The following QSER1 variants were observed in gnomAD, a reference collection of about 807,000 sequenced individuals.
QSER1 encodes glutamine and serine-rich protein 1.
Under a neutral mutation model 158.5 loss-of-function variants are expected in QSER1, and 49 were observed. That is an observed-to-expected ratio of 0.31 (90% CI 0.25 to 0.39). The LOEUF (loss-of-function observed/expected upper bound fraction) is 0.39, where lower values mean the gene tolerates loss of function less well. Among genes scored for constraint, QSER1 ranks in the 10% least tolerant of loss-of-function variants. The pLI, the probability that QSER1 is intolerant of heterozygous loss-of-function variation, is 1.00. For missense variants in QSER1, 1,754 were observed against 2,010.3 expected (o/e 0.87, Z 2.44); for synonymous variants, 650 against 715.5 (o/e 0.91, Z 1.46).
At chr11:32,968,617 T>C (rs1376651805) in intron 9 of QSER1, among the ~76,000 whole-genome samples, 1 of 152,228 alleles carries the variant, frequency 6.6e-6, no homozygotes, top group African/African-American at 2.4e-5. Flanking sequence ...TTGGTCATAC[T>C]CAGTGTTTTG....
intron 4 of QSER1, among the ~76,000 whole-genome samples, chr11:32,950,159 A>G (rs1372007891): frequency 6.6e-6 from 1 of 151,784 alleles, no homozygotes; most frequent in African/African-American, 2.4e-5. Context: ...CAGTGTTGCA[A>G]TCTAGGCTCA....
chr11:32,939,040 T>C (rs1021255791), intron 4 of QSER1, among the ~76,000 whole-genome samples: 11 of 152,200 alleles, frequency 7.2e-5, no homozygotes, highest in Non-Finnish European at 1.5e-4. Flanking sequence ...TCAGATTGAA[T>C]TAAAATGTAG....
chr11:32,905,222 G>T (rs938457138), intron 1 of QSER1, among the ~76,000 whole-genome samples: 12 of 152,166 alleles, frequency 7.9e-5, no homozygotes, highest in Non-Finnish European at 1.6e-4. Context: ...TGTGATCACT[G>T]ATCCTGTTTA....
At chr11:32,904,957 C>T (rs1200926446) in intron 1 of QSER1, among the ~76,000 whole-genome samples, 2 of 152,114 alleles carry the variant, frequency 1.3e-5, no homozygotes, top group African/African-American at 4.8e-5. Context: ...GCTGTGTTTT[C>T]CCCCACTTGC....
At chr11:32,905,713 A>G (rs1162893413) in intron 1 of QSER1, among the ~76,000 whole-genome samples, 1 of 152,190 alleles carries the variant, frequency 6.6e-6, no homozygotes, top group Non-Finnish European at 1.5e-5. Flanking sequence ...GTGTTTTAAT[A>G]AGGCATAGGA....
At chr11:32,961,272 T>G (rs1043853079) in intron 8 of QSER1, among the ~76,000 whole-genome samples, 1 of 152,190 alleles carries the variant, frequency 6.6e-6, no homozygotes, top group Admixed American at 6.5e-5. Context: ...CAGATACTCA[T>G]AGATACTCCT....
chr11:32,935,043 A>G lies in QSER1; in HGVS notation c.3785A>G (p.Gln1262Arg). The G allele has an allele frequency of 6.2e-7, 1 of 1,614,144 alleles. No individual in the cohort carries two copies. The highest frequency in any genetic ancestry group is 8.5e-7 in the Non-Finnish European group (1 of 1,180,012). Residue 1262 changes from glutamine to arginine, a missense_variant, in exon 4 of 13, where the codon CAG (glutamine) becomes CGG (arginine). By Grantham distance (43) the Gln-to-Arg change is conservative (BLOSUM62 1). Coordinates refer to ENST00000650167, the MANE Select transcript of QSER1 (RefSeq NM_001076786.3). ...TATCAGCATCAAGAAAAAATGAGAC[A>G]GAAGATCAAAGAGGTGGAGGAAAAA... ...DGYQHQEKMRQKIKEVEEKQP... is the reference protein window; with the variant it reads ...DGYQHQEKMRRKIKEVEEKQP...
At chr11:32,938,197 A>G (rs1852180030) in intron 4 of QSER1, among the ~76,000 whole-genome samples, 1 of 152,204 alleles carries the variant, frequency 6.6e-6, no homozygotes, top group Non-Finnish European at 1.5e-5. Flanking sequence ...ACATGGTGAT[A>G]CAGTCAGTAT....
chr11:32,950,599 T>C (rs1852405945), intron 4 of QSER1, among the ~76,000 whole-genome samples: 1 of 152,194 alleles, frequency 6.6e-6, no homozygotes, highest in African/African-American at 2.4e-5. Context: ...CCATTTAAAG[T>C]GTACAGTTCA....
At chr11:32,966,056 A>G (rs959884977) in intron 8 of QSER1, among the ~76,000 whole-genome samples, 11 of 151,374 alleles carry the variant, frequency 7.3e-5, no homozygotes, top group African/African-American at 2.4e-4. Context: ...CACCACCACT[A>G]CCAAAGATTC....
In QSER1 at chr11:32,932,452, A is replaced by G. The variant is rs535972062; in HGVS notation, c.1194A>G (p.Pro398=). ...CTCAGTCTTACTCATCTGCGATTCC[A>G]TCATCAGGGTATCCTCCTTCTACTA... ...ELAQSYSSAI[P]SSGYPPSTTK... is the part of the protein sequence containing the mutation. Residue 398 remains proline (P), a synonymous_variant, in exon 4 of 13, where the codon CCA becomes CCG. Coordinates refer to ENST00000650167, the MANE Select transcript of QSER1 (RefSeq NM_001076786.3). 5.0e-6 allele frequency: 8 copies of G among 1,613,554 alleles called. No individual in the cohort carries two copies. In the Admixed American group the frequency reaches 1.0e-4, roughly 20 times the overall value.
chr11:32,919,681 G>T (rs1222854409), intron 1 of QSER1, among the ~76,000 whole-genome samples: 1 of 152,122 alleles, frequency 6.6e-6, no homozygotes, highest in East Asian at 1.9e-4. Flanking sequence ...GCGTCACTGT[G>T]TGCAGTCCAC....
At chr11:32,910,912 G>C (rs1366390251) in intron 1 of QSER1, among the ~76,000 whole-genome samples, 2 of 152,000 alleles carry the variant, frequency 1.3e-5, no homozygotes, top group Non-Finnish European at 2.9e-5. Context: ...TAGCCTTCTG[G>C]TCCACAGAAC....
chr11:32,979,016 T>G lies in QSER1; in HGVS notation c.*2542T>G, dbSNP rs1047659567. The G allele has an allele frequency of 3.3e-5, 5 of 152,232 alleles. No homozygotes were observed. Among genetic ancestry groups the G allele is most frequent in the Admixed American group, 6.5e-5 (1 of 15,286 alleles). The allele number at this position is 152,232 out of a possible 1,614,324, so 9.4% of individuals were successfully genotyped here. ...ACGTACCCAGGCTATATGGTAAACC[T>G]GTACAGCATGTTACTGTACTGAATA... On this transcript the variant is annotated 3_prime_UTR_variant, in exon 13 of 13. Coordinates refer to ENST00000650167, the MANE Select transcript of QSER1 (RefSeq NM_001076786.3).
chr11:32,903,669 C>T (rs747168943), intron 1 of QSER1, among the ~76,000 whole-genome samples: 5 of 151,992 alleles, frequency 3.3e-5, no homozygotes, highest in Admixed American at 1.3e-4. Flanking sequence ...TACAGTGGCG[C>T]GATCTCAGCT....
In QSER1 at chr11:32,917,075, C is replaced by T. The variant is rs559083507; in HGVS notation, c.210-10082C>T. 4.7e-4 allele frequency among the ~76,000 whole-genome samples: 72 copies of T among 152,354 alleles called. 2 individuals carry two copies. In the South Asian group the frequency reaches 0.014, roughly 31 times the overall value. On this transcript the variant is annotated intron_variant, in intron 1 of 12. Coordinates refer to ENST00000650167, the MANE Select transcript of QSER1 (RefSeq NM_001076786.3). ...GTGCTGGGATTACAGGTGTGAGCCA[C>T]CACGCCCGGCCGGGCATGACTCTAA... is the stretch of plus-strand genomic sequence containing the variant.
At chr11:32,966,212 A>T in intron 8 of QSER1, 88 bp from the exon 9 acceptor site, 1 of 1,395,186 alleles carries the variant, frequency 7.2e-7, no homozygotes, top group Non-Finnish European at 9.8e-7. Flanking sequence ...TGTATCTGCA[A>T]TCTGCTTCTA....
chr11:32,928,733 A>G (rs1852007672), intron 3 of QSER1, among the ~76,000 whole-genome samples: 1 of 152,074 alleles, frequency 6.6e-6, no homozygotes, highest in Non-Finnish European at 1.5e-5. Flanking sequence ...TGTCTTAAGA[A>G]ATGTCATAGT....
chr11:32,904,249 G>C (rs1309781447), intron 1 of QSER1, among the ~76,000 whole-genome samples: 1 of 150,494 alleles, frequency 6.6e-6, no homozygotes, highest in Non-Finnish European at 1.5e-5. Flanking sequence ...CTGGAGTGCA[G>C]TGGTGCAATC....
Sources: gnomAD v4.1 joint callset for allele counts (sites outside exome capture counted in the v4.1 genomes callset) on GRCh38, gnomAD v4.1.1 for gene constraint, MANE v1.5 for transcripts, NCBI Gene and HGNC (gene_info 2026-07-23, HGNC 2026-07-21) for gene names.